The following SGCZ variants were observed in gnomAD, a reference collection of about 807,000 sequenced individuals.
SGCZ encodes zeta-sarcoglycan.
A neutral mutation model predicts 41.3 loss-of-function variants in SGCZ; 40 were observed. The observed-to-expected ratio is 0.97, with a 90% CI of 0.75 to 1.26. The LOEUF (loss-of-function observed/expected upper bound fraction) is 1.26, where lower values mean the gene tolerates loss of function less well. SGCZ is among the 50% of genes most tolerant of loss of function. SGCZ has a pLI of 0.00. For missense variants in SGCZ, 552 were observed against 369.8 expected (o/e 1.49, Z -4.04); for synonymous variants, 206 against 137.5 (o/e 1.50, Z -3.49).
At chr8:15,128,612 T>C (rs1807789451) in intron 1 of SGCZ, among the ~76,000 whole-genome samples, 1 of 152,192 alleles carries the variant, frequency 6.6e-6, no homozygotes. Context: ...AGAAGCGCCC[T>C]GTGATCCTGG....
At chr8:14,422,527 A>C (rs1426327773) in intron 2 of SGCZ, among the ~76,000 whole-genome samples, 1 of 152,190 alleles carries the variant, frequency 6.6e-6, no homozygotes, top group East Asian at 1.9e-4. Flanking sequence ...TCATTGGTGA[A>C]ATTCTGTAAT....
chr8:14,190,845 A>G (rs973419142), intron 4 of SGCZ, among the ~76,000 whole-genome samples: 1 of 151,368 alleles, frequency 6.6e-6, no homozygotes, highest in South Asian at 2.1e-4. Flanking sequence ...CTTGTGATCC[A>G]CCCGCCTCGG....
intron 1 of SGCZ, among the ~76,000 whole-genome samples, chr8:15,119,968 C>G (rs539238115): frequency 5.3e-4 from 80 of 150,102 alleles, no homozygotes; most frequent in African/African-American, 1.9e-3. Context: ...TTCCACCAAG[C>G]TCGGTTTTTT....
chr8:14,324,871 T>C (rs1003315755), intron 2 of SGCZ, among the ~76,000 whole-genome samples: 3 of 152,252 alleles, frequency 2.0e-5, no homozygotes, highest in South Asian at 2.1e-4. Context: ...ATGGAAGAGA[T>C]TGACTACGAT....
chr8:14,628,911 A>C (rs1338024989), intron 1 of SGCZ, among the ~76,000 whole-genome samples: 1 of 152,128 alleles, frequency 6.6e-6, no homozygotes, highest in Non-Finnish European at 1.5e-5. Flanking sequence ...ATAGGTGGTG[A>C]ATAAAAACCA....
chr8:15,237,258 C>CCCCG (rs1554483271), intron 1 of SGCZ, among the ~76,000 whole-genome samples: 1 of 152,056 alleles, frequency 6.6e-6, no homozygotes, highest in African/African-American at 2.4e-5. Flanking sequence ...CGCTGCCCCC[C>CCCCG]CCGGGGAGAC....
At chr8:14,412,552 A>T (rs935221280) in intron 2 of SGCZ, among the ~76,000 whole-genome samples, 1 of 152,104 alleles carries the variant, frequency 6.6e-6, no homozygotes, top group Non-Finnish European at 1.5e-5. Flanking sequence ...TCATCTAGTC[A>T]TCAGGTAAAA....
chr8:14,626,489 T>C (rs912997843), intron 1 of SGCZ, among the ~76,000 whole-genome samples: 1 of 152,192 alleles, frequency 6.6e-6, no homozygotes, highest in Non-Finnish European at 1.5e-5. Flanking sequence ...GGTGAAGTTC[T>C]AAACCCTAGT....
intron 1 of SGCZ, among the ~76,000 whole-genome samples, chr8:15,142,855 C>A (rs907185905): frequency 1.3e-5 from 2 of 152,134 alleles, no homozygotes; most frequent in Admixed American, 1.3e-4. Context: ...CCCAATCCAC[C>A]CACCTTGGCC....
chr8:14,843,275 GAAGTT>G (rs1802988627), intron 1 of SGCZ, among the ~76,000 whole-genome samples: 1 of 152,050 alleles, frequency 6.6e-6, no homozygotes, highest in African/African-American at 2.4e-5. Flanking sequence ...ACAAGGACAG[GAAGTT>G]AAGTCTTTTT....
intron 1 of SGCZ, among the ~76,000 whole-genome samples, chr8:14,990,916 C>A (rs1008330063): frequency 6.6e-6 from 1 of 152,076 alleles, no homozygotes; most frequent in African/African-American, 2.4e-5. Flanking sequence ...AACCCAGTCC[C>A]AGTCCAGCAT....
intron 1 of SGCZ, among the ~76,000 whole-genome samples, chr8:14,914,271 TAATA>T (rs1479406123): frequency 1.3e-5 from 2 of 149,522 alleles, no homozygotes; most frequent in African/African-American, 5.1e-5. Flanking sequence ...TTAACTAATG[TAATA>T]AACAAAGTAA....
chr8:14,961,847 T>C (rs1025920646), intron 1 of SGCZ, among the ~76,000 whole-genome samples: 2 of 152,170 alleles, frequency 1.3e-5, no homozygotes, highest in African/African-American at 4.8e-5. Flanking sequence ...AGAAACTGCC[T>C]TCAAGGTATA....
intron 2 of SGCZ, among the ~76,000 whole-genome samples, chr8:14,431,363 T>C (rs1433724922): frequency 2.0e-5 from 3 of 152,118 alleles, no homozygotes; most frequent in Admixed American, 2.0e-4. Context: ...AGGAACAGAA[T>C]GGAGAACCCA....
intron 1 of SGCZ, among the ~76,000 whole-genome samples, chr8:14,654,882 G>T (rs936627729): frequency 3.3e-5 from 5 of 151,814 alleles, no homozygotes; most frequent in Admixed American, 3.3e-4. Flanking sequence ...GGTCAGGCTG[G>T]TTTCGAACTC....
chr8:14,600,262 G>A (rs972732554), intron 1 of SGCZ, among the ~76,000 whole-genome samples: 2 of 152,088 alleles, frequency 1.3e-5, no homozygotes, highest in Non-Finnish European at 2.9e-5. Flanking sequence ...TCCCTTGAGT[G>A]CCCTTGGACT....
At chr8:14,536,334 A>T (rs1363432166) in intron 2 of SGCZ, among the ~76,000 whole-genome samples, 2 of 151,900 alleles carry the variant, frequency 1.3e-5, no homozygotes, top group African/African-American at 4.8e-5. Flanking sequence ...ACAAAGTCAG[A>T]AAAATGATCT....
At chr8:14,111,575 C>A (rs1168949979) in intron 5 of SGCZ, among the ~76,000 whole-genome samples, 1 of 152,128 alleles carries the variant, frequency 6.6e-6, no homozygotes, top group Non-Finnish European at 1.5e-5. Context: ...CAAAAGGGTA[C>A]AATGTTCAAC....
At chr8:14,107,405 A>C (rs1436869401) in intron 6 of SGCZ, among the ~76,000 whole-genome samples, 4 of 152,032 alleles carry the variant, frequency 2.6e-5, no homozygotes, top group African/African-American at 9.7e-5. Flanking sequence ...TAGAACCATC[A>C]CACTGTCAGG....
Sources: gnomAD v4.1 joint callset for allele counts (sites outside exome capture counted in the v4.1 genomes callset) on GRCh38, gnomAD v4.1.1 for gene constraint, MANE v1.5 for transcripts, NCBI Gene and HGNC (gene_info 2026-07-23, HGNC 2026-07-21) for gene names.